The following PPP1R10 variants were observed in gnomAD, a reference collection of about 807,000 sequenced individuals.
PPP1R10 encodes the protein protein phosphatase 1 regulatory subunit 10.
PPP1R10 carries 15 observed loss-of-function variants against 99.0 expected under a neutral mutation model. That is an observed-to-expected ratio of 0.15 (90% confidence interval 0.10 to 0.23). The LOEUF (loss-of-function observed/expected upper bound fraction) is 0.23. Among genes scored for constraint, PPP1R10 ranks in the 10% least tolerant of loss-of-function variants. PPP1R10 has a pLI of 1.00. For missense variants in PPP1R10, 947 were observed against 1,259.4 expected, an observed-to-expected ratio of 0.75 and a Z score of 3.75; for synonymous variants, 430 against 449.5, an observed-to-expected ratio of 0.96 and a Z score of 0.55.
chr6:30,613,992 C>T (rs920603983), intron 2 of PPP1R10, among the ~76,000 whole-genome samples: 1 of 152,166 alleles, frequency 6.6e-6, no homozygotes, highest in African/African-American at 2.4e-5. Flanking sequence ...CTAAGTCTCA[C>T]CCAGGTCACC....
In PPP1R10 at chr6:30,600,887, G is replaced by C. The variant is rs1230996992; in HGVS notation, c.*662C>G. The C allele has an allele frequency of 6.5e-6, 1 of 152,752 alleles. No individual in the cohort carries two copies. The highest frequency in any genetic ancestry group is 1.5e-5 in the Non-Finnish European group (1 of 68,102). 9.5% of individuals were successfully genotyped at this position (152,752 alleles called of 1,614,324 possible). A position where few individuals can be genotyped will look rare whatever the true frequency, so the allele number is the denominator to read the frequency against. On this transcript the variant is annotated 3_prime_UTR_variant, in exon 20 of 20. Transcript: ENST00000376511. ...CCAGCTAAAACTTGCACCGGATGCA[G>C]ATACGAGTTCGCCATCATCGAACCT...
intron 10 of PPP1R10, among the ~76,000 whole-genome samples, chr6:30,605,613 C>A (rs1341567940): frequency 6.6e-6 from 1 of 152,118 alleles, no homozygotes; most frequent in Non-Finnish European, 1.5e-5. Context: ...GTAATCCCAG[C>A]ACTTTGGGAA....
In PPP1R10 at chr6:30,607,997, TTTA is replaced by T. The variant is rs879120153; in HGVS notation, c.331-109_331-107del. ...AGTCCTCCCTGCTTTTTTTTTTTTT[TTTA>T]TTTTTTGAGACGGAGTCTCACTCTG... On this transcript the variant is annotated intron_variant, in intron 5 of 19. Transcript: ENST00000376511. 9.1e-3 allele frequency: 10,815 copies of T among 1,194,096 alleles called. 129 individuals are homozygous for T. The highest frequency in any genetic ancestry group is 0.062 in the African/African-American group (3,687 of 59,642). The allele number at this position is 1,194,096 out of a possible 1,614,324, so 74.0% of individuals were successfully genotyped here. A position where few individuals can be genotyped will look rare whatever the true frequency, so the allele number is the denominator to read the frequency against.
rs779138986 is a variant in PPP1R10 at position 30,603,166 on chromosome 6, C to G, written c.1843+44G>C. 4.5e-6 allele frequency: 7 copies of G among 1,565,328 alleles called. No homozygotes were observed. In the African/African-American group the frequency reaches 5.4e-5, roughly 12 times the overall value. ...AACCCTGCTTCCCCCAACTCCACTG[C>G]AGGCTTCCTCCCCCAGTCCCCTGGG... is the stretch of plus-strand genomic sequence containing the variant. On this transcript the variant is annotated intron_variant, in intron 17 of 19. Coordinates refer to ENST00000376511, the MANE Select transcript of PPP1R10 (RefSeq NM_002714.4).
At chr6:30,610,024 C>A in intron 2 of PPP1R10, 69 bp from the exon 3 acceptor site, 1 of 927,502 alleles carries the variant, frequency 1.1e-6, no homozygotes, top group Non-Finnish European at 1.8e-6. Context: ...CGAGTAGGCC[C>A]TCTAATAAAC....
intron 10 of PPP1R10, 109 bp downstream of exon 10, chr6:30,605,814 C>G: frequency 1.8e-6 from 2 of 1,081,942 alleles, no homozygotes; most frequent in Non-Finnish European, 2.7e-6. Context: ...GAGCCAAGAC[C>G]GTGCCACTGC....
chr6:30,608,715 T>C, intron 5 of PPP1R10, 64 bp downstream of exon 5: 1 of 1,538,154 alleles, frequency 6.5e-7, no homozygotes, highest in South Asian at 1.2e-5. Context: ...TCAGTCAGTT[T>C]GAGTTTTTCA....
chr6:30,613,033 T>C (rs953668014), intron 2 of PPP1R10, among the ~76,000 whole-genome samples: 2 of 152,202 alleles, frequency 1.3e-5, no homozygotes, highest in Non-Finnish European at 2.9e-5. Context: ...AGCAACCCCC[T>C]GGCCTACCTC....
intron 17 of PPP1R10, 26 bp downstream of exon 17, chr6:30,603,184 C>T: frequency 1.9e-6 from 3 of 1,593,062 alleles, no homozygotes; most frequent in South Asian, 1.1e-5. Flanking sequence ...CTCCCCCAGT[C>T]CCCTGGGGCT....
intron 17 of PPP1R10, 21 bp downstream of exon 17, chr6:30,603,189 G>A: frequency 6.2e-7 from 1 of 1,600,956 alleles, no homozygotes; most frequent in Non-Finnish European, 8.6e-7. Flanking sequence ...CCAGTCCCCT[G>A]GGGCTGGCCC....
rs1386090859 is a variant in PPP1R10, at chr6:30,602,061, TCATGAGGCCGGTGGC to T, written c.2573_2587del (p.Gly858_His862del). Reference sequence around the variant, plus strand: ...GTCATGGCCTCGGTGACCAGGGACATCATGAGGCCGGTGGCCATGGGGCCCCCCGTGTCCAGGGCC... The same window carrying T: ...GTCATGGCCTCGGTGACCAGGGACATCATGGGGCCCCCCGTGTCCAGGGCC... On this transcript the variant is annotated inframe_deletion, in exon 19 of 20. Coordinates refer to ENST00000376511, the MANE Select transcript of PPP1R10 (RefSeq NM_002714.4). This position sits in a 1 kb window ranked among gnomAD's most constrained non-coding sequence, Gnocchi z 6.7. 1 of 1,564,822 alleles carries T rather than the reference TCATGAGGCCGGTGGC, an allele frequency of 6.4e-7. No homozygotes were observed. Among genetic ancestry groups the T allele is most frequent in the Non-Finnish European group, 8.7e-7 (1 of 1,151,834 alleles).
intron 17 of PPP1R10, 94 bp from the exon 18 acceptor site, chr6:30,603,053 A>G: frequency 7.3e-7 from 1 of 1,370,436 alleles, no homozygotes; most frequent in Admixed American, 2.1e-5. Flanking sequence ...TCTCAAACCA[A>G]CCTGGCAGAG....
At chr6:30,613,627 G>A (rs1360431471) in intron 2 of PPP1R10, among the ~76,000 whole-genome samples, 1 of 152,110 alleles carries the variant, frequency 6.6e-6, no homozygotes, top group Non-Finnish European at 1.5e-5. Flanking sequence ...ATACCACCCT[G>A]ACTCATAGAA....
In PPP1R10 at chr6:30,601,459, G is replaced by A. The variant is rs982087271; in HGVS notation, c.*90C>T. 2.6e-6 allele frequency: 3 copies of A among 1,150,926 alleles called. No individual in the cohort carries two copies. In the African/African-American group the frequency reaches 4.6e-5, roughly 18 times the overall value. 71.3% of individuals were successfully genotyped at this position (1,150,926 alleles called of 1,614,324 possible). The stretch of plus-strand genomic sequence containing the variant: ...CGGCTCCTCATCAGCTGGGGAAAAG[G>A]GAAAATGGGCCTCACAGAAGCCATA... On this transcript the variant is annotated 3_prime_UTR_variant, in exon 20 of 20. Coordinates refer to ENST00000376511, the MANE Select transcript of PPP1R10 (RefSeq NM_002714.4).
chr6:30,608,908 A>C lies in PPP1R10; in HGVS notation c.201T>G (p.Ile67Met). Residue 67 changes from isoleucine (I) to methionine (M), a missense_variant, in exon 5 of 20, where the codon ATT becomes ATG. Around this residue, in one of 10 missense-constraint regions of PPP1R10, gnomAD observed 82 missense variants for 117.3 expected, o/e 0.70. Coordinates refer to ENST00000376511, the MANE Select transcript of PPP1R10 (RefSeq NM_002714.4). ...TRSPEILVKF[I>M]DVGGYKLLNN... ...TAAGAAGTTTGTAGCCGCCAACGTC[A>C]ATAAATCTGCAGGCAGGCAGGAGAG... 1 of 1,614,166 alleles carries C rather than the reference A, an allele frequency of 6.2e-7. No individual in the cohort carries two copies. The highest frequency in any genetic ancestry group is 8.5e-7 in the Non-Finnish European group (1 of 1,180,024).
At chr6:30,615,820 G>A (rs987020610) in intron 2 of PPP1R10, among the ~76,000 whole-genome samples, 1 of 152,084 alleles carries the variant, frequency 6.6e-6, no homozygotes. Flanking sequence ...CTGGCACTAA[G>A]ATTATATTTT....
Position 30,616,635 on chromosome 6 carries a change from G to A in PPP1R10, c.-169C>T, listed in dbSNP as rs1760586535. On this transcript the variant is annotated 5_prime_UTR_variant, in exon 2 of 20. Transcript: ENST00000376511. ...CTTTTAAAAAATAAAGGCCAACTCA[G>A]TATTCATTTCCCCCCCACCCAACTC... 1 of 152,116 alleles carries A rather than the reference G, an allele frequency of 6.6e-6. No individual in the cohort carries two copies. Among genetic ancestry groups the A allele is most frequent in the Non-Finnish European group, 1.5e-5 (1 of 68,024 alleles). The allele number at this position is 152,116 out of a possible 1,614,324, so 9.4% of individuals were successfully genotyped here.
At chr6:30,610,153 C>T (rs1317726239) in intron 2 of PPP1R10, among the ~76,000 whole-genome samples, 198 bp from the exon 3 acceptor site, 1 of 152,186 alleles carries the variant, frequency 6.6e-6, no homozygotes, top group Non-Finnish European at 1.5e-5. Flanking sequence ...GCAAGTTAAG[C>T]ATGGGGAGCA....
In PPP1R10 at chr6:30,601,206, G is replaced by A. The variant is rs962702932; in HGVS notation, c.*343C>T. 19 of 289,804 alleles carry A rather than the reference G, an allele frequency of 6.6e-5. 1 individual carries two copies. In the South Asian group the frequency reaches 8.4e-4, roughly 13 times the overall value. 18.0% of individuals were successfully genotyped at this position (289,804 alleles called of 1,614,324 possible). A position where few individuals can be genotyped will look rare whatever the true frequency, so the allele number is the denominator to read the frequency against. Reference sequence around the variant, plus strand: ...CCGCAATAGAAGGGTAGGGGTGTTCGCCAGGATAACCAGCTTTAGGTTCTC... The same window carrying A: ...CCGCAATAGAAGGGTAGGGGTGTTCACCAGGATAACCAGCTTTAGGTTCTC... On this transcript the variant is annotated 3_prime_UTR_variant, in exon 20 of 20. Coordinates refer to ENST00000376511, the MANE Select transcript of PPP1R10 (RefSeq NM_002714.4).
Sources: allele counts gnomAD v4.1 joint callset (sites outside exome capture counted in the v4.1 genomes callset), GRCh38; gene constraint gnomAD v4.1.1; regional missense constraint gnomAD v4.1.1; non-coding constraint Gnocchi (gnomAD v3.1); transcripts MANE v1.5; gene names NCBI Gene and HGNC (gene_info 2026-07-23, HGNC 2026-07-21).